The following THSD4 variants were observed in gnomAD, a reference collection of about 807,000 sequenced individuals.
THSD4 encodes thrombospondin type-1 domain-containing protein 4.
A neutral mutation model predicts 119.0 loss-of-function variants in THSD4; 69 were observed. That is an observed-to-expected ratio of 0.58 (90% CI 0.48 to 0.71). The LOEUF (loss-of-function observed/expected upper bound fraction) is 0.71, where lower values mean the gene tolerates loss of function less well. Among genes scored for constraint, THSD4 ranks in the 30% least tolerant of loss-of-function variants. The pLI, the probability that THSD4 is intolerant of heterozygous loss-of-function variation, is 0.00. For synonymous variants in THSD4, 524 were observed against 540.4 expected (o/e 0.97, Z 0.42); for missense variants, 1,393 against 1,391.1 (o/e 1.00, Z -0.02).
At chr15:71,773,233 A>G (rs2053856342) in intron 17 of THSD4, among the ~76,000 whole-genome samples, 3 of 151,460 alleles carry the variant, frequency 2.0e-5, no homozygotes, top group African/African-American at 7.3e-5. Context: ...AAAAAAGAAA[A>G]GAAAAAAAAG....
intron 14 of THSD4, among the ~76,000 whole-genome samples, chr15:71,752,176 C>T (rs2053459804): frequency 6.6e-6 from 1 of 152,162 alleles, no homozygotes; most frequent in Non-Finnish European, 1.5e-5. Flanking sequence ...GAAAAAACAA[C>T]TCTGTGGGGA....
chr15:71,553,993 G>C (rs2048974819), intron 7 of THSD4, among the ~76,000 whole-genome samples: 1 of 151,788 alleles, frequency 6.6e-6, no homozygotes, highest in Admixed American at 6.6e-5. Context: ...TGCTAGACCA[G>C]GGTTTTGATA....
At chr15:71,269,443 C>A (rs937473671) in intron 6 of THSD4, among the ~76,000 whole-genome samples, 1 of 152,118 alleles carries the variant, frequency 6.6e-6, no homozygotes, top group Non-Finnish European at 1.5e-5. Flanking sequence ...ATTAATGGAA[C>A]GTATCTCAGA....
In THSD4 at chr15:71,228,522, G is replaced by T. The variant is rs533390838; in HGVS notation, c.464+13123G>T. On this transcript the variant is annotated intron_variant, in intron 4 of 17. Coordinates refer to ENST00000261862, the MANE Select transcript of THSD4 (RefSeq NM_024817.3). ...TGTTACAGCAGCTACAGAAACTAAT[G>T]CACTGTAAGAGGCTCTGAGCTAAAC... is the stretch of plus-strand genomic sequence containing the variant. Among the ~76,000 whole-genome samples the T allele has an allele frequency of 2.3e-3, 350 of 152,330 alleles. 3 individuals are homozygous for T. Among genetic ancestry groups the T allele is most frequent in the African/African-American group, 7.5e-3 (313 of 41,572 alleles).
chr15:71,350,141 T>TAAAAAAAAAAAAAAAAAAAAAAAAAA (rs3086680), intron 6 of THSD4, among the ~76,000 whole-genome samples: 2 of 111,174 alleles, frequency 1.8e-5, no homozygotes, highest in African/African-American at 7.2e-5. Flanking sequence ...TGCAAATTAC[T>TAAAAAAAAAAAAAAAAAAAAAAAAAA]AAAAAAAAAA....
At position 71,702,862 on chromosome 15, in the gene THSD4, T is replaced by C. The variant is rs1300712057; in HGVS notation, c.1358-25687T>C. On this transcript the variant is annotated intron_variant, in intron 8 of 17. Transcript: ENST00000261862. Reference sequence around the variant, plus strand: ...CCTGTTTCCCTCAAAGGAGGCAGAGTCCGTGCCTCTCTGTCCACTATTGTA... The same window carrying C: ...CCTGTTTCCCTCAAAGGAGGCAGAGCCCGTGCCTCTCTGTCCACTATTGTA... Among the ~76,000 whole-genome samples, 8 of 152,222 alleles carry C rather than the reference T, an allele frequency of 5.3e-5. No individual in the cohort carries two copies. In the East Asian group the frequency reaches 1.5e-3, roughly 29 times the overall value.
chr15:71,257,353 T>C (rs974295231), intron 6 of THSD4, among the ~76,000 whole-genome samples: 4 of 152,128 alleles, frequency 2.6e-5, no homozygotes, highest in African/African-American at 4.8e-5. Context: ...GAGATATTTC[T>C]ACCCACCCCT....
In THSD4 at chr15:71,242,698, G is replaced by T. The variant is rs959512122; in HGVS notation, c.514G>T (p.Ala172Ser). 1 of 1,613,978 alleles carries T rather than the reference G, an allele frequency of 6.2e-7. No homozygotes were observed. The highest frequency in any genetic ancestry group is 1.7e-5 in the Admixed American group (1 of 59,992). ...IGPGKYGYGK[A>S]PYILPLQTDT... ...CCCTGGCAAGTATGGCTATGGTAAG[G>T]CCCCATATATCTTACCACTGCAGAC... Residue 172 changes from alanine (A) to serine (S), a missense_variant, in exon 5 of 18, where the codon GCC becomes TCC. Physicochemically the swap from Ala to Ser is moderately conservative, Grantham distance 99 (BLOSUM62 1). Coordinates refer to ENST00000261862, the MANE Select transcript of THSD4 (RefSeq NM_024817.3).
intron 3 of THSD4, chr15:71,164,774 T>A: frequency 6.3e-7 from 1 of 1,585,282 alleles, no homozygotes; most frequent in Non-Finnish European, 8.5e-7. Flanking sequence ...ACCAACTTAT[T>A]CATCATCATC....
chr15:71,098,250 G>C (rs924117232), intron 1 of THSD4, among the ~76,000 whole-genome samples: 5 of 136,410 alleles, frequency 3.7e-5, no homozygotes, highest in Non-Finnish European at 7.6e-5. Flanking sequence ...ACCCAGGCTA[G>C]AGTGCCATGA....
chr15:71,698,595 T>G (rs949179153), intron 8 of THSD4, among the ~76,000 whole-genome samples: 2 of 146,638 alleles, frequency 1.4e-5, no homozygotes, highest in African/African-American at 2.5e-5. Context: ...AAATGTGTAT[T>G]TATAGACGAA....
intron 7 of THSD4, among the ~76,000 whole-genome samples, chr15:71,556,262 C>T (rs62022769): frequency 0.33 from 50,537 of 152,006 alleles, 10,251 homozygotes; most frequent in South Asian, 0.48. Context: ...CCATTCTATC[C>T]ATGAACATAG....
At chr15:71,173,375 C>T (rs909952573) in intron 3 of THSD4, among the ~76,000 whole-genome samples, 1 of 151,800 alleles carries the variant, frequency 6.6e-6, no homozygotes, top group African/African-American at 2.4e-5. Context: ...TTAAAGAAGA[C>T]ATAAATAAGT....
At chr15:71,762,010 C>T (rs1195776600) in intron 15 of THSD4, among the ~76,000 whole-genome samples, 2 of 152,218 alleles carry the variant, frequency 1.3e-5, no homozygotes, top group East Asian at 3.8e-4. Context: ...AGCTCCTCCT[C>T]TGTGTGCATT....
intron 6 of THSD4, among the ~76,000 whole-genome samples, chr15:71,275,839 G>A (rs1035368918): frequency 3.3e-5 from 5 of 152,156 alleles, no homozygotes; most frequent in South Asian, 2.1e-4. Flanking sequence ...TACTGCCACC[G>A]TGTGAGGAGG....
intron 6 of THSD4, among the ~76,000 whole-genome samples, chr15:71,279,749 T>C (rs1036275073): frequency 1.3e-5 from 2 of 150,306 alleles, no homozygotes; most frequent in Non-Finnish European, 3.0e-5. Flanking sequence ...CGAATTCGAG[T>C]TCACACAGAA....
intron 6 of THSD4, among the ~76,000 whole-genome samples, chr15:71,298,124 T>C (rs182155866): frequency 6.6e-6 from 1 of 152,314 alleles, no homozygotes; most frequent in East Asian, 1.9e-4. Context: ...TTTTTGTATA[T>C]GGTGTAAGGT....
At position 71,704,035 on chromosome 15, in the gene THSD4, A is replaced by G. The variant is rs1473408912; in HGVS notation, c.1358-24514A>G. Reference sequence around the variant, plus strand: ...CGGCTAATTTTTGTGTTTTTAGTAGAGACGGGGTTTCACCATGTTAGCCAG... The same window carrying G: ...CGGCTAATTTTTGTGTTTTTAGTAGGGACGGGGTTTCACCATGTTAGCCAG... On this transcript the variant is annotated intron_variant, in intron 8 of 17. Coordinates refer to ENST00000261862, the MANE Select transcript of THSD4 (RefSeq NM_024817.3). Among the ~76,000 whole-genome samples, 10 of 152,044 alleles carry G rather than the reference A, an allele frequency of 6.6e-5. 1 individual carries two copies.
chr15:71,420,532 T>C lies in THSD4; in HGVS notation c.1152+8709T>C, dbSNP rs1204903901. 1.9e-5 allele frequency among the ~76,000 whole-genome samples: 2 copies of C among 107,396 alleles called. 1 individual carries two copies. Among genetic ancestry groups the C allele is most frequent in the Non-Finnish European group, 4.1e-5 (2 of 49,100 alleles). 70.5% of individuals were successfully genotyped at this position (107,396 alleles called of 152,430 possible). A position where few individuals can be genotyped will look rare whatever the true frequency, so the allele number is the denominator to read the frequency against. ...ATTTGTTATTCGTTTTCTGATTGTT[T>C]TGTAGTCTTCTCTTCTTTCCTTCCT... On this transcript the variant is annotated intron_variant, in intron 7 of 17. Transcript: ENST00000261862.
Sources: gnomAD v4.1 joint callset for allele counts (sites outside exome capture counted in the v4.1 genomes callset) on GRCh38, gnomAD v4.1.1 for gene constraint, MANE v1.5 for transcripts, NCBI Gene and HGNC (gene_info 2026-07-23, HGNC 2026-07-21) for gene names.